The following ABCA8 variants were observed in gnomAD, a reference collection of about 807,000 sequenced individuals.
ABCA8 encodes the protein ATP binding cassette subfamily A member 8, also known as ABC-type organic anion transporter ABCA8.
ABCA8 carries 177 observed loss-of-function variants against 192.3 expected under a neutral mutation model. That is an observed-to-expected ratio of 0.92 (90% CI 0.81 to 1.04). The LOEUF is 1.04. Among genes scored for constraint, ABCA8 ranks in the 50% least tolerant of loss-of-function variants. The pLI, the probability that ABCA8 is intolerant of heterozygous loss-of-function variation, is 0.00. For synonymous variants in ABCA8, 642 were observed against 690.2 expected (o/e 0.93, Z 1.09); for missense variants, 1,915 against 1,904.8 (o/e 1.01, Z -0.10).
chr17:68,882,676 G>C lies in ABCA8; in HGVS notation c.3751C>G (p.Pro1251Ala). The stretch of plus-strand genomic sequence containing the variant: ...TGAACATCTTCATCCTCTCCTTCTG[G>C]TTCTTCTGGATTTTGACACACATCA... ...SSDVCQNPEE[P>A]EGEDEDVQME... Residue 1251 changes from proline to alanine, a missense_variant, in exon 30 of 40, where the codon CCA becomes GCA. Coordinates refer to ENST00000586539, the MANE Select transcript of ABCA8 (RefSeq NM_001288985.2). 1 of 1,612,500 alleles carries C rather than the reference G, an allele frequency of 6.2e-7. No individual in the cohort carries two copies. Among genetic ancestry groups the C allele is most frequent in the African/African-American group, 1.3e-5 (1 of 74,972 alleles).
In ABCA8 at chr17:68,927,963, G is replaced by A. The variant is rs766482508; in HGVS notation, c.1226C>T (p.Thr409Ile). Reference protein sequence around the residue: ...VATNFMLAFDTCLYLALAIYF... With the variant: ...VATNFMLAFDICLYLALAIYF... The stretch of plus-strand genomic sequence containing the variant: ...AATCGCCAATGCCAGATAGAGGCAA[G>A]TGTCAAATGCCAACATGAAATTTGT... Residue 409 changes from threonine to isoleucine, a missense_variant, in exon 10 of 40, where the codon ACT becomes ATT. Transcript: ENST00000586539. 21 of 1,608,594 alleles carry A rather than the reference G, an allele frequency of 1.3e-5. No homozygotes were observed. Among genetic ancestry groups the A allele is most frequent in the Non-Finnish European group, 1.8e-5 (21 of 1,178,086 alleles).
Position 68,918,704 on chromosome 17 carries a change from C to T in ABCA8, c.1789-158G>A, listed in dbSNP as rs532709093. ...GTCTCAGCACTTTGGGAGGCTGAGGCGGGCAGATAACGAGGTGAGGAGTTC... is the reference window on the plus strand; with the variant it reads ...GTCTCAGCACTTTGGGAGGCTGAGGTGGGCAGATAACGAGGTGAGGAGTTC... On this transcript the variant is annotated intron_variant, in intron 14 of 39. Coordinates refer to ENST00000586539, the MANE Select transcript of ABCA8 (RefSeq NM_001288985.2). Among the ~76,000 whole-genome samples, 10 of 152,122 alleles carry T rather than the reference C, an allele frequency of 6.6e-5. No homozygotes were observed. In the South Asian group the frequency reaches 8.3e-4, roughly 13 times the overall value.
At chr17:68,896,829 T>C (rs2143433942) in intron 21 of ABCA8, among the ~76,000 whole-genome samples, 1 of 152,326 alleles carries the variant, frequency 6.6e-6, no homozygotes, top group Non-Finnish European at 1.5e-5. Flanking sequence ...GTTGTTAAGA[T>C]CTACTCTGAG....
At position 68,894,282 on chromosome 17, in the gene ABCA8, G is replaced by T. The variant is rs139617953; in HGVS notation, c.2927C>A (p.Ala976Asp). 3.5e-5 allele frequency: 56 copies of T among 1,610,284 alleles called. No homozygotes were observed. The East Asian group carries it at 1.3e-3, about 36-fold the overall frequency. ...AACTGGGAAGCAATTCAATCTTTTG[G>T]CATTGCATGCTAACGAAAAGCTGTA... ...KNYSFSLACN[A>D]KRLNCFPVLM... Residue 976 changes from alanine to aspartate, a missense_variant, in exon 23 of 40, where the codon GCC becomes GAC. Transcript: ENST00000586539.
Position 68,875,312 on chromosome 17 carries a change from G to T in ABCA8, c.4579C>A (p.Pro1527Thr), listed in dbSNP as rs773253039. 1.2e-6 allele frequency: 2 copies of T among 1,614,086 alleles called. No individual in the cohort carries two copies. The highest frequency in any genetic ancestry group is 1.7e-6 in the Non-Finnish European group (2 of 1,180,024). ...AGCCTCAGGATCTCTGCATGGAGGGGCTCCACTTGTGCCAGGTTCTTCACC... is the reference window on the plus strand; with the variant it reads ...AGCCTCAGGATCTCTGCATGGAGGGTCTCCACTTGTGCCAGGTTCTTCACC... ...MKVKNLAQVEPLHAEILRLFP... is the reference protein window; with the variant it reads ...MKVKNLAQVETLHAEILRLFP... Residue 1527 changes from proline to threonine, a missense_variant, in exon 37 of 40, where the codon CCC becomes ACC. By Grantham distance (38) the Pro-to-Thr change is conservative (BLOSUM62 -1). Transcript: ENST00000586539.
At position 68,882,625 on chromosome 17, in the gene ABCA8, C is replaced by A; in HGVS notation, c.3802G>T (p.Ala1268Ser). The A allele has an allele frequency of 6.2e-7, 1 of 1,612,510 alleles. No individual in the cohort carries two copies. Residue 1268 changes from alanine to serine, a missense_variant, in exon 30 of 40, where the codon GCC (alanine) becomes TCC (serine). Coordinates refer to ENST00000586539, the MANE Select transcript of ABCA8 (RefSeq NM_001288985.2). ...TCATCAAAATTAGTAGAATTCAAGG[C>A]ATTTGCTGTTCTCACTCTTTCCATC... ...VQMERVRTAN[A>S]LNSTNFDEKP...
At chr17:68,928,487 G>A (rs778445897) in intron 9 of ABCA8, among the ~76,000 whole-genome samples, 1 of 152,160 alleles carries the variant, frequency 6.6e-6, no homozygotes, top group Non-Finnish European at 1.5e-5. Context: ...TGTCTATGAT[G>A]TTCAAGTTAA....
chr17:68,883,731 CA>C, intron 29 of ABCA8, 59 bp downstream of exon 29: 1 of 1,105,376 alleles, frequency 9.0e-7, no homozygotes, highest in Non-Finnish European at 1.3e-6. Context: ...TTGATTTATG[CA>C]TGAAAAATAT....
intron 4 of ABCA8, 99 bp from the exon 5 acceptor site, chr17:68,937,214 AT>A: frequency 9.9e-7 from 1 of 1,012,892 alleles, no homozygotes; most frequent in Non-Finnish European, 1.4e-6. Context: ...TTCTATGGAA[AT>A]AAAACATTAT....
intron 2 of ABCA8, chr17:68,944,861 G>A (rs536890236): frequency 6.6e-6 from 1 of 152,144 alleles, no homozygotes; most frequent in African/African-American, 2.4e-5. Context: ...CACCACGGCG[G>A]GGGAGAGGAC....
intron 17 of ABCA8, 127 bp downstream of exon 17, chr17:68,917,234 T>G: frequency 1.7e-6 from 1 of 579,296 alleles, no homozygotes; most frequent in Non-Finnish European, 3.0e-6. Flanking sequence ...TGATCGATAC[T>G]CCGTCTCAAA....
chr17:68,891,720 A>T (rs2066627919), intron 23 of ABCA8, 124 bp from the exon 24 acceptor site: 1 of 640,054 alleles, frequency 1.6e-6, no homozygotes, highest in Non-Finnish European at 2.6e-6. Flanking sequence ...TGAGATTCCC[A>T]GATTCCTTCA....
chr17:68,906,422 T>C (rs567191231), intron 18 of ABCA8, among the ~76,000 whole-genome samples: 1 of 152,276 alleles, frequency 6.6e-6, no homozygotes, highest in African/African-American at 2.4e-5. Context: ...TAAAGTTTAA[T>C]CTTAGTTTTT....
intron 23 of ABCA8, among the ~76,000 whole-genome samples, chr17:68,892,252 C>T (rs2066637545): frequency 6.6e-6 from 1 of 152,132 alleles, no homozygotes; most frequent in Non-Finnish European, 1.5e-5. Context: ...AAGTTCTAAC[C>T]AGAGCCTGGT....
At chr17:68,897,222 G>A (rs68027451) in intron 21 of ABCA8, among the ~76,000 whole-genome samples, 63,992 of 151,992 alleles carry the variant, frequency 0.42, 14,063 homozygotes, top group East Asian at 0.56. Context: ...TAATGGAGAG[G>A]TCAGGAAAAG....
intron 12 of ABCA8, among the ~76,000 whole-genome samples, 170 bp from the exon 13 acceptor site, chr17:68,921,662 A>C (rs1408183077): frequency 6.6e-6 from 1 of 152,230 alleles, no homozygotes; most frequent in Non-Finnish European, 1.5e-5. Flanking sequence ...TAAAACATTA[A>C]AAGTTCCCTC....
At chr17:68,952,250 G>A (rs974314352) in intron 1 of ABCA8, among the ~76,000 whole-genome samples, 2 of 151,950 alleles carry the variant, frequency 1.3e-5, no homozygotes, top group Admixed American at 6.6e-5. Context: ...ATGGAGTCTC[G>A]CTCTGTCGCC....
At chr17:68,946,185 A>G (rs1187913497) in intron 2 of ABCA8, among the ~76,000 whole-genome samples, 1 of 151,930 alleles carries the variant, frequency 6.6e-6, no homozygotes, top group Non-Finnish European at 1.5e-5. Context: ...CTCCTGCCTC[A>G]GTCTCCCAAG....
Position 68,903,375 on chromosome 17 carries a change from C to T in ABCA8, c.2523G>A (p.Trp841Ter). 6.2e-7 allele frequency: 1 copy of T among 1,614,156 alleles called. No individual in the cohort carries two copies. The highest frequency in any genetic ancestry group is 8.5e-7 in the Non-Finnish European group (1 of 1,180,032). Residue 841 changes from tryptophan to a stop codon, truncating the protein, a stop_gained, in exon 20 of 40, where the codon TGG becomes TGA. Coordinates refer to ENST00000586539, the MANE Select transcript of ABCA8 (RefSeq NM_001288985.2). LOFTEE classifies it high-confidence loss of function. Reference sequence around the variant, plus strand: ...TTGCAATTGCGCAGATTTGCTGTCGCCAGAGAGCCACACCACCTATTGTCT... The same window carrying T: ...TTGCAATTGCGCAGATTTGCTGTCGTCAGAGAGCCACACCACCTATTGTCT... The part of the protein sequence containing the change: ...MRKTIGGVAL[W>*]RQQICAIARV...
Sources: allele counts gnomAD v4.1 joint callset (sites outside exome capture counted in the v4.1 genomes callset), GRCh38; gene constraint gnomAD v4.1.1; transcripts MANE v1.5; gene names NCBI Gene and HGNC (gene_info 2026-07-23, HGNC 2026-07-21).